Variants in TCF4 observed in about 807,000 individuals in gnomAD.
TCF4 encodes transcription factor 4.
A neutral mutation model predicts 82.1 loss-of-function variants in TCF4; 3 were observed. The observed-to-expected ratio is 0.04, with a 90% CI of 0.02 to 0.09. The LOEUF is 0.09. Among genes scored for constraint, TCF4 ranks in the 10% least tolerant of loss-of-function variants. TCF4 has a pLI of 1.00. For missense variants in TCF4, 518 were observed against 852.7 expected (o/e 0.61, Z 4.89); for synonymous variants, 276 against 309.6 (o/e 0.89, Z 1.14).
rs540183080 is a variant in TCF4, at chr18:55,524,292, A to C, written c.146-60155T>G. ...GGTATTCATTAATAACCACCTTATTAATCAAATCTTACATTTGTGCTGAGT... is the reference window on the plus strand; with the variant it reads ...GGTATTCATTAATAACCACCTTATTCATCAAATCTTACATTTGTGCTGAGT... On this transcript the variant is annotated intron_variant, in intron 3 of 19. Transcript: ENST00000354452. Among the ~76,000 whole-genome samples, 73 of 152,260 alleles carry C rather than the reference A, an allele frequency of 4.8e-4. 1 individual carries two copies. The highest frequency in any genetic ancestry group is 1.7e-3 in the African/African-American group (70 of 41,572).
chr18:55,230,871 T>C (rs1251084506), intron 17 of TCF4: 1 of 152,138 alleles, frequency 6.6e-6, no homozygotes, highest in African/African-American at 2.4e-5. Context: ...ACGTTACACA[T>C]AAAGATAATG....
intron 8 of TCF4, among the ~76,000 whole-genome samples, chr18:55,296,729 C>T (rs2146786626): frequency 6.6e-6 from 1 of 152,264 alleles, no homozygotes; most frequent in East Asian, 1.9e-4. Context: ...CTGAGGTGAA[C>T]AAACCAGGTA....
chr18:55,604,920 T>C (rs992965663), intron 2 of TCF4, among the ~76,000 whole-genome samples: 1 of 152,114 alleles, frequency 6.6e-6, no homozygotes, highest in African/African-American at 2.4e-5. Context: ...GACATAAGCA[T>C]TGAGGACCAA....
intron 5 of TCF4, among the ~76,000 whole-genome samples, chr18:55,432,378 T>A (rs1403080437): frequency 6.6e-6 from 1 of 152,104 alleles, no homozygotes; most frequent in Non-Finnish European, 1.5e-5. Flanking sequence ...TTCATCCTCT[T>A]CATGAAGTAA....
chr18:55,308,482 C>T (rs981741568), intron 8 of TCF4, among the ~76,000 whole-genome samples: 1 of 152,318 alleles, frequency 6.6e-6, no homozygotes, highest in African/African-American at 2.4e-5. Flanking sequence ...CGGGAGCATT[C>T]TACCCAAAGG....
At chr18:55,488,509 G>C (rs548861883) in intron 3 of TCF4, among the ~76,000 whole-genome samples, 1 of 152,230 alleles carries the variant, frequency 6.6e-6, no homozygotes, top group African/African-American at 2.4e-5. Context: ...CAAAGCAACT[G>C]AGCTAGGATA....
Position 55,254,645 on chromosome 18 carries a change from C to T in TCF4, c.1202G>A (p.Arg401Gln). ...TGTGGATGGGCCCACTGCATGGTTC[C>T]GGAGAACATGAATAGCATCATCCAG... is the stretch of plus-strand genomic sequence containing the variant. Reference protein sequence around the residue: ...ERLDDAIHVLRNHAVGPSTAM... With the variant: ...ERLDDAIHVLQNHAVGPSTAM... Residue 401 changes from arginine (R) to glutamine (Q), a missense_variant, in exon 15 of 20, where the codon CGG becomes CAG. Coordinates refer to ENST00000354452, the MANE Select transcript of TCF4 (RefSeq NM_001083962.2). 3 of 1,613,306 alleles carry T rather than the reference C, an allele frequency of 1.9e-6. No individual in the cohort carries two copies. Among genetic ancestry groups the T allele is most frequent in the Non-Finnish European group, 2.5e-6 (3 of 1,179,754 alleles).
At chr18:55,473,849 C>T (rs2096237457) in intron 3 of TCF4, among the ~76,000 whole-genome samples, 1 of 152,152 alleles carries the variant, frequency 6.6e-6, no homozygotes, top group South Asian at 2.1e-4. Context: ...GAAAAAGGCC[C>T]TTTACTTCTC....
intron 3 of TCF4, among the ~76,000 whole-genome samples, chr18:55,536,474 C>T (rs78431385): frequency 0.021 from 3,238 of 152,198 alleles, 66 homozygotes; most frequent in Non-Finnish European, 0.026. Context: ...TAACCTAGTG[C>T]CATCCTAAAA....
intron 3 of TCF4, among the ~76,000 whole-genome samples, chr18:55,491,374 C>G (rs1425540248): frequency 6.6e-6 from 1 of 152,114 alleles, no homozygotes; most frequent in Non-Finnish European, 1.5e-5. Context: ...TCCGCAGGCA[C>G]CTGTCACTGC....
At chr18:55,550,065 A>G (rs2147119415) in intron 3 of TCF4, among the ~76,000 whole-genome samples, 1 of 152,322 alleles carries the variant, frequency 6.6e-6, no homozygotes, top group South Asian at 2.1e-4. Context: ...TTTTAACATG[A>G]AACACTTGTA....
intron 8 of TCF4, among the ~76,000 whole-genome samples, chr18:55,343,798 A>C (rs560791093): frequency 1.2e-4 from 18 of 152,280 alleles, no homozygotes; most frequent in African/African-American, 4.1e-4. Flanking sequence ...GTTTTGCACC[A>C]CATTGTATAA....
At chr18:55,424,816 C>T (rs990683187) in intron 5 of TCF4, among the ~76,000 whole-genome samples, 6 of 152,120 alleles carry the variant, frequency 3.9e-5, no homozygotes, top group African/African-American at 7.2e-5. Flanking sequence ...TATATTTACT[C>T]AAAATATTGA....
chr18:55,297,613 G>A (rs933874334), intron 8 of TCF4, among the ~76,000 whole-genome samples: 9 of 152,046 alleles, frequency 5.9e-5, no homozygotes, highest in Admixed American at 6.6e-5. Flanking sequence ...CACTCCATTA[G>A]GCATTGTGCT....
At chr18:55,412,187 AGATTACT>A (rs2094373110) in intron 5 of TCF4, among the ~76,000 whole-genome samples, 1 of 152,176 alleles carries the variant, frequency 6.6e-6, no homozygotes, top group African/African-American at 2.4e-5. Context: ...AACAAAAAGT[AGATTACT>A]ACTAGCACTC....
At chr18:55,341,653 T>C (rs1015601327) in intron 8 of TCF4, among the ~76,000 whole-genome samples, 3 of 152,154 alleles carry the variant, frequency 2.0e-5, no homozygotes, top group African/African-American at 7.2e-5. Context: ...ATTCATTCAC[T>C]GGAAATATAT....
chr18:55,313,927 T>C (rs1289558589), intron 8 of TCF4, among the ~76,000 whole-genome samples: 1 of 152,040 alleles, frequency 6.6e-6, no homozygotes, highest in East Asian at 1.9e-4. Flanking sequence ...CTTCAATGAG[T>C]TTGACATTTC....
chr18:55,283,586 T>C, intron 8 of TCF4, among the ~76,000 whole-genome samples: 1 of 152,206 alleles, frequency 6.6e-6, no homozygotes, highest in South Asian at 2.1e-4. Flanking sequence ...ATCTGCCCTA[T>C]TTCACAAGGC....
chr18:55,485,444 T>A (rs1409065163), intron 3 of TCF4, among the ~76,000 whole-genome samples: 1 of 152,182 alleles, frequency 6.6e-6, no homozygotes, highest in Non-Finnish European at 1.5e-5. Flanking sequence ...AATCCTCTCC[T>A]GGCCACTCAT....
Sources: gnomAD v4.1 joint callset for allele counts (sites outside exome capture counted in the v4.1 genomes callset) on GRCh38, gnomAD v4.1.1 for gene constraint, MANE v1.5 for transcripts, NCBI Gene and HGNC (gene_info 2026-07-23, HGNC 2026-07-21) for gene names.